CLNK: variants seen among roughly 807,000 people sequenced by gnomAD.
CLNK encodes cytokine dependent hematopoietic cell linker.
CLNK carries 74 observed loss-of-function variants against 68.6 expected under a neutral mutation model. The observed-to-expected ratio is 1.08, with a 90% confidence interval of 0.89 to 1.31. CLNK has a LOEUF of 1.31. Ranked by LOEUF, CLNK falls within the 50% of genes most tolerant of loss-of-function variation. CLNK has a pLI of 0.00. For synonymous variants in CLNK, 198 were observed against 172.2 expected, an observed-to-expected ratio of 1.15 and a Z score of -1.17; for missense variants, 553 against 515.3, an observed-to-expected ratio of 1.07 and a Z score of -0.71.
chr4:10,527,159 T>C lies in CLNK; in HGVS notation c.649+917A>G, dbSNP rs1436878972. Among the ~76,000 whole-genome samples, 3 of 152,230 alleles carry C rather than the reference T, an allele frequency of 2.0e-5. No individual in the cohort carries two copies. The East Asian group carries it at 5.8e-4, about 29-fold the overall frequency. ...GCTGAACAATGCCACATTGTTGTGT[T>C]AATAATCATTGTTGTGTTGCCTGAT... is the stretch of plus-strand genomic sequence containing the variant. On this transcript the variant is annotated intron_variant, in intron 13 of 18. Coordinates refer to ENST00000226951, the MANE Select transcript of CLNK (RefSeq NM_052964.4).
chr4:10,729,476 C>T, the CLNK span, among the ~76,000 whole-genome samples: 2 of 152,164 alleles, frequency 1.3e-5, no homozygotes, highest in Non-Finnish European at 2.9e-5. Flanking sequence ...ATGTTTACTG[C>T]AGCACCATTC....
chr4:10,702,477 G>A, the CLNK span, among the ~76,000 whole-genome samples: 9 of 152,254 alleles, frequency 5.9e-5, no homozygotes, highest in Admixed American at 2.6e-4. Flanking sequence ...GAGATCTGCC[G>A]AGAATGATGC....
intron 2 of CLNK, among the ~76,000 whole-genome samples, chr4:10,617,916 G>A (rs867143955): frequency 6.6e-6 from 1 of 152,214 alleles, no homozygotes; most frequent in Non-Finnish European, 1.5e-5. Context: ...TGAATCACTA[G>A]TGTTTTAGTT....
intron 3 of CLNK, among the ~76,000 whole-genome samples, chr4:10,593,010 A>G (rs940747168): frequency 6.6e-6 from 1 of 152,166 alleles, no homozygotes; most frequent in Non-Finnish European, 1.5e-5. Context: ...TACAAGTGTG[A>G]GCCGCAGTGC....
At chr4:10,547,708 T>C (rs1284980107) in intron 8 of CLNK, among the ~76,000 whole-genome samples, 1 of 152,148 alleles carries the variant, frequency 6.6e-6, no homozygotes, top group East Asian at 1.9e-4. Context: ...AGTTTGACTG[T>C]GTTAGGTTCC....
intron 2 of CLNK, among the ~76,000 whole-genome samples, chr4:10,605,000 AGG>A (rs1441613396): frequency 6.6e-6 from 1 of 152,242 alleles, no homozygotes; most frequent in African/African-American, 2.4e-5. Flanking sequence ...AATCAGCTGA[AGG>A]CCTTAATAAC....
chr4:10,709,027 A>G, the CLNK span, among the ~76,000 whole-genome samples: 1 of 152,178 alleles, frequency 6.6e-6, no homozygotes, highest in African/African-American at 2.4e-5. Context: ...GCATTAAAAT[A>G]CTCTACTTAA....
chr4:10,606,014 T>C (rs1204696205), intron 2 of CLNK, among the ~76,000 whole-genome samples: 1 of 152,106 alleles, frequency 6.6e-6, no homozygotes, highest in Non-Finnish European at 1.5e-5. Context: ...AGACTCTGTA[T>C]GTTTATTTTA....
At chr4:10,726,813 A>G in the CLNK span, among the ~76,000 whole-genome samples, 2 of 152,190 alleles carry the variant, frequency 1.3e-5, no homozygotes, top group African/African-American at 2.4e-5. Context: ...TGTGAGCTGC[A>G]TCCTTCCCGT....
At chr4:10,620,294 C>G (rs1239880593) in intron 2 of CLNK, among the ~76,000 whole-genome samples, 1 of 152,214 alleles carries the variant, frequency 6.6e-6, no homozygotes, top group Non-Finnish European at 1.5e-5. Flanking sequence ...TACTAGGAGG[C>G]TGTTGCTTCA....
intron 2 of CLNK, among the ~76,000 whole-genome samples, chr4:10,631,543 T>C (rs1722890791): frequency 6.6e-6 from 1 of 152,066 alleles, no homozygotes; most frequent in Non-Finnish European, 1.5e-5. Context: ...AGGCAGTTGA[T>C]CAATCAGTTA....
intron 2 of CLNK, among the ~76,000 whole-genome samples, chr4:10,604,243 T>C (rs1250732939): frequency 6.6e-6 from 1 of 152,208 alleles, no homozygotes; most frequent in Admixed American, 6.5e-5. Context: ...AGAAGGGCAA[T>C]TGGTAATTGA....
chr4:10,674,990 G>GGGGA (rs1724812968), intron 1 of CLNK, among the ~76,000 whole-genome samples: 1 of 152,010 alleles, frequency 6.6e-6, no homozygotes, highest in South Asian at 2.1e-4. Flanking sequence ...TTTGGGGCAA[G>GGGGA]GGGAGGGAGA....
At chr4:10,659,939 T>C (rs12501252) in intron 2 of CLNK, among the ~76,000 whole-genome samples, 67,479 of 152,094 alleles carry the variant, frequency 0.44, 15,560 homozygotes, top group East Asian at 0.53. Flanking sequence ...AGTTTTCTCC[T>C]TTCTTATGTC....
In CLNK at chr4:10,584,937, A is replaced by G. The variant is rs569618020; in HGVS notation, c.102T>C (p.Asn34=). The G allele has an allele frequency of 6.8e-6, 11 of 1,613,834 alleles. No homozygotes were observed. The highest frequency in any genetic ancestry group is 2.2e-5 in the East Asian group (1 of 44,882). The change falls in exon 4 of 19, where the codon AAT becomes AAC. Residue 34 remains asparagine, a synonymous_variant. Transcript: ENST00000226951. The stretch of plus-strand genomic sequence containing the variant: ...AGAGCCCCGACTCACCTGTGGCACT[A>G]TTGATGCGAGGCCATGACCTAGGGC... ...LPKNRSWPRI[N]SATGQYQRMN... is the part of the protein sequence containing the mutation.
chr4:10,542,049 A>G lies in CLNK; in HGVS notation c.472-8T>C, dbSNP rs1238059244. The G allele has an allele frequency of 6.3e-7, 1 of 1,589,742 alleles. No homozygotes were observed. Among genetic ancestry groups the G allele is most frequent in the Non-Finnish European group, 8.6e-7 (1 of 1,169,074 alleles). ...AGGAGGTGGTAAAGGAATCTGAAAAAGAAAAGAGAAACCTAAATTAAGTTT... is the reference window on the plus strand; with the variant it reads ...AGGAGGTGGTAAAGGAATCTGAAAAGGAAAAGAGAAACCTAAATTAAGTTT... On this transcript the variant is annotated splice_region_variant and splice_polypyrimidine_tract_variant and intron_variant, in intron 9 of 18. Transcript: ENST00000226951.
chr4:10,710,579 G>A, the CLNK span, among the ~76,000 whole-genome samples: 1 of 152,156 alleles, frequency 6.6e-6, no homozygotes, highest in Admixed American at 6.5e-5. Context: ...TCTTGAGGCA[G>A]GCACAGTTCT....
At chr4:10,704,702 G>A in the CLNK span, among the ~76,000 whole-genome samples, 13 of 152,294 alleles carry the variant, frequency 8.5e-5, no homozygotes, top group East Asian at 2.1e-3. Flanking sequence ...ACAGGGTCAA[G>A]CCCCCCTGTG....
intron 11 of CLNK, among the ~76,000 whole-genome samples, chr4:10,533,130 T>G (rs933264888): frequency 9.9e-5 from 15 of 152,090 alleles, no homozygotes; most frequent in African/African-American, 3.6e-4. Flanking sequence ...TGATGACACA[T>G]GCCTGTAGTC....
Sources: allele counts gnomAD v4.1 joint callset (sites outside exome capture counted in the v4.1 genomes callset), GRCh38; gene constraint gnomAD v4.1.1; transcripts MANE v1.5; gene names NCBI Gene and HGNC (gene_info 2026-07-23, HGNC 2026-07-21).